NPSR1: variants seen among roughly 807,000 people sequenced by gnomAD.
NPSR1 encodes neuropeptide S receptor.
Under a neutral mutation model 46.9 loss-of-function variants are expected in NPSR1, and 48 were observed. The observed-to-expected ratio is 1.02, with a 90% CI of 0.81 to 1.30. The LOEUF is 1.30. NPSR1 is among the 50% of genes most tolerant of loss of function. The pLI, the probability that NPSR1 is intolerant of heterozygous loss-of-function variation, is 0.00. For synonymous variants in NPSR1, 176 were observed against 168.1 expected, an observed-to-expected ratio of 1.05 and a Z score of -0.36; for missense variants, 450 against 449.5, an observed-to-expected ratio of 1.00 and a Z score of -0.01.
chr7:34,725,579 C>T (rs1169134429), intron 2 of NPSR1, among the ~76,000 whole-genome samples: 1 of 152,198 alleles, frequency 6.6e-6, no homozygotes, highest in Admixed American at 6.5e-5. Context: ...AGAACTGCTC[C>T]TGTAGTTAAG....
intron 5 of NPSR1, among the ~76,000 whole-genome samples, chr7:34,830,488 C>T (rs1205539336): frequency 6.6e-6 from 1 of 151,992 alleles, no homozygotes; most frequent in Non-Finnish European, 1.5e-5. Flanking sequence ...AAAGTAATTG[C>T]GGACTTTGCC....
At chr7:34,842,324 C>T (rs140303620) in intron 6 of NPSR1, among the ~76,000 whole-genome samples, 6 of 152,260 alleles carry the variant, frequency 3.9e-5, no homozygotes, top group African/African-American at 1.4e-4. Flanking sequence ...CCCAAGATCC[C>T]ATCCTAGAAA....
chr7:34,709,043 C>T (rs930603771), intron 2 of NPSR1, among the ~76,000 whole-genome samples: 14 of 152,150 alleles, frequency 9.2e-5, no homozygotes, highest in African/African-American at 3.4e-4. Context: ...TTGAATTCCA[C>T]CATCTTGCCT....
chr7:34,853,824 G>A (rs1297274507), downstream of NPSR1, among the ~76,000 whole-genome samples: 2 of 152,112 alleles, frequency 1.3e-5, no homozygotes, highest in African/African-American at 2.4e-5. Context: ...AATTAGCCGG[G>A]TATGGTGGCG....
At chr7:34,807,533 G>T (rs1320355434) in intron 3 of NPSR1, among the ~76,000 whole-genome samples, 3 of 151,854 alleles carry the variant, frequency 2.0e-5, no homozygotes, top group Non-Finnish European at 4.4e-5. Context: ...AATTTAATTT[G>T]TCTAATAGCA....
intron 2 of NPSR1, among the ~76,000 whole-genome samples, chr7:34,755,844 T>C (rs1273907092): frequency 6.6e-6 from 1 of 152,166 alleles, no homozygotes; most frequent in Non-Finnish European, 1.5e-5. Flanking sequence ...GCCACCTCTT[T>C]AGGGAAAAAA....
At chr7:34,795,852 C>T (rs1160714462) in intron 3 of NPSR1, among the ~76,000 whole-genome samples, 2 of 152,074 alleles carry the variant, frequency 1.3e-5, no homozygotes, top group Non-Finnish European at 2.9e-5. Flanking sequence ...AGATTCAACA[C>T]AGTCCCAGTC....
At chr7:34,849,519 T>C (rs1562772246) in intron 8 of NPSR1, 46 bp from the exon 9 acceptor site, 1 of 1,610,004 alleles carries the variant, frequency 6.2e-7, no homozygotes, top group South Asian at 1.1e-5. Flanking sequence ...TGCCTTTTCA[T>C]TAGGTCAAAT....
At chr7:34,852,603 G>A (rs1199136349), downstream of NPSR1, among the ~76,000 whole-genome samples, 1 of 152,066 alleles carries the variant, frequency 6.6e-6, no homozygotes, top group East Asian at 1.9e-4. Context: ...CCCTTTAGAG[G>A]TGTGACTTCC....
chr7:34,708,669 T>C (rs1771910580), intron 2 of NPSR1, among the ~76,000 whole-genome samples: 1 of 152,234 alleles, frequency 6.6e-6, no homozygotes, highest in Non-Finnish European at 1.5e-5. Flanking sequence ...CCAAAGCAGG[T>C]CAGAAGATGC....
intron 2 of NPSR1, among the ~76,000 whole-genome samples, chr7:34,747,064 G>C (rs1400943517): frequency 6.7e-6 from 1 of 149,834 alleles, no homozygotes; most frequent in Non-Finnish European, 1.5e-5. Flanking sequence ...GGTGGAGGTT[G>C]CAGTGAGCCG....
chr7:34,869,448 G>A (rs1791398122), intron 8 of NPSR1, among the ~76,000 whole-genome samples: 1 of 151,558 alleles, frequency 6.6e-6, no homozygotes, highest in South Asian at 2.1e-4. Context: ...ATGAACTACT[G>A]CTAGGATTAT....
intron 2 of NPSR1, among the ~76,000 whole-genome samples, chr7:34,694,882 G>C (rs1793439250): frequency 6.6e-6 from 1 of 152,074 alleles, no homozygotes; most frequent in Non-Finnish European, 1.5e-5. Context: ...GCTAATTTTT[G>C]TATTTTTAGT....
rs1055107733 is a variant in NPSR1 at position 34,849,894 on chromosome 7, C to G, written c.*239C>G. ...CGCCTTCCTTCCCCACCATTCCCAGCCCTCCTTCCCACTGGCCAGCACCTG... is the reference window on the plus strand; with the variant it reads ...CGCCTTCCTTCCCCACCATTCCCAGGCCTCCTTCCCACTGGCCAGCACCTG... On this transcript the variant is annotated 3_prime_UTR_variant, in exon 9 of 9. Transcript: ENST00000360581. 4 of 1,285,662 alleles carry G rather than the reference C, an allele frequency of 3.1e-6. No individual in the cohort carries two copies. In the African/African-American group the frequency reaches 4.5e-5, roughly 15 times the overall value. 79.6% of individuals were successfully genotyped at this position (1,285,662 alleles called of 1,614,324 possible). A position where few individuals can be genotyped will look rare whatever the true frequency, so the allele number is the denominator to read the frequency against.
chr7:34,802,354 G>C (rs568860438), intron 3 of NPSR1, among the ~76,000 whole-genome samples: 2 of 150,184 alleles, frequency 1.3e-5, no homozygotes, highest in Admixed American at 6.6e-5. Flanking sequence ...CATGGTACTG[G>C]TACCAAAACA....
At chr7:34,696,090 A>AC (rs1201070513) in intron 2 of NPSR1, among the ~76,000 whole-genome samples, 179 of 151,832 alleles carry the variant, frequency 1.2e-3, no homozygotes, top group African/African-American at 4.0e-3. Flanking sequence ...AAAAAAAAAA[A>AC]AAAAAAAACT....
intron 4 of NPSR1, among the ~76,000 whole-genome samples, chr7:34,824,866 C>T (rs1789746792): frequency 1.3e-5 from 2 of 151,912 alleles, no homozygotes; most frequent in Admixed American, 1.3e-4. Context: ...GGCTTCACAC[C>T]CCCACCATCA....
chr7:34,855,741 C>T (rs574320414), intron 8 of NPSR1, among the ~76,000 whole-genome samples: 6 of 151,862 alleles, frequency 4.0e-5, no homozygotes, highest in South Asian at 2.1e-4. Flanking sequence ...TCAATTTTGC[C>T]GCAGAAATAC....
chr7:34,701,223 G>A (rs1014446346), intron 2 of NPSR1, among the ~76,000 whole-genome samples: 5 of 152,114 alleles, frequency 3.3e-5, no homozygotes, highest in Non-Finnish European at 7.4e-5. Context: ...AGACTTTTTC[G>A]GAACTCAGCT....
Sources: gnomAD v4.1 joint callset for allele counts (sites outside exome capture counted in the v4.1 genomes callset) on GRCh38, gnomAD v4.1.1 for gene constraint, MANE v1.5 for transcripts, NCBI Gene and HGNC (gene_info 2026-07-23, HGNC 2026-07-21) for gene names.